LRCH2: variants seen among roughly 807,000 people sequenced by gnomAD.
LRCH2 encodes the protein leucine-rich repeat and calponin homology domain-containing protein 2.
Under a neutral mutation model 68.9 loss-of-function variants are expected in LRCH2, and 38 were observed. That is an observed-to-expected ratio of 0.55 (90% CI 0.43 to 0.72). The LOEUF is 0.72. Among genes scored for constraint, LRCH2 ranks in the 30% least tolerant of loss-of-function variants. The pLI is 0.00. For synonymous variants in LRCH2, 191 were observed against 208.1 expected (o/e 0.92, Z 0.71); for missense variants, 528 against 572.9 (o/e 0.92, Z 0.80).
At chrX:115,150,865 T>C (rs1384211456) in intron 12 of LRCH2, among the ~76,000 whole-genome samples, 2 of 110,430 alleles carry the variant, frequency 1.8e-5, no homozygotes, top group Admixed American at 1.9e-4. Context: ...ATATCAACTA[T>C]AATGAGTTAA....
At chrX:115,165,786 T>C (rs2072554584) in intron 8 of LRCH2, 55 bp downstream of exon 8, 2 of 984,220 alleles carry the variant, frequency 2.0e-6, no homozygotes, top group East Asian at 3.4e-5. Context: ...TCAAAGCCCA[T>C]TTTTAATGTG....
chrX:115,185,483 T>G (rs2147411626), intron 2 of LRCH2, among the ~76,000 whole-genome samples: 1 of 111,931 alleles, frequency 8.9e-6, no homozygotes, highest in Admixed American at 9.5e-5. Flanking sequence ...AATGTATATT[T>G]TTCCATTCCA....
At chrX:115,216,253 A>G (rs2147357928) in intron 1 of LRCH2, among the ~76,000 whole-genome samples, 1 of 112,038 alleles carries the variant, frequency 8.9e-6, no homozygotes, top group South Asian at 3.7e-4. Context: ...AGTTTTCTTT[A>G]AAGACCATAC....
In LRCH2 at chrX:115,136,821, G is replaced by T. The variant is rs1352915553; in HGVS notation, c.1696-6622C>A. Among the ~76,000 whole-genome samples, 4 of 112,224 alleles carry T rather than the reference G, an allele frequency of 3.6e-5. No homozygotes were observed. The Admixed American group carries it at 3.8e-4, about 11-fold the overall frequency. ...CTTATTGGTAATGGGAAGCCAGTAA[G>T]AAGTTTTTTGGATGATTTACAGTTT... On this transcript the variant is annotated intron_variant, in intron 14 of 20. Coordinates refer to ENST00000317135, the MANE Select transcript of LRCH2 (RefSeq NM_020871.4).
At position 115,192,265 on chromosome X, in the gene LRCH2, C is replaced by T. The variant is rs966430682; in HGVS notation, c.350-3895G>A. On this transcript the variant is annotated intron_variant, in intron 1 of 20. Transcript: ENST00000317135. ...CAACAACAGTCATGGCCGGAGCCACCGCTACGGAGGAGGAGGCCGCTACGA... is the reference window on the plus strand; with the variant it reads ...CAACAACAGTCATGGCCGGAGCCACTGCTACGGAGGAGGAGGCCGCTACGA... 1.7e-5 allele frequency: 20 copies of T among 1,164,700 alleles called. No homozygotes were observed. The highest frequency in any genetic ancestry group is 1.6e-4 in the Admixed American group (6 of 38,476).
At chrX:115,224,813 G>A (rs782047758) in intron 1 of LRCH2, among the ~76,000 whole-genome samples, 3 of 111,749 alleles carry the variant, frequency 2.7e-5, no homozygotes, top group East Asian at 2.8e-4. Flanking sequence ...AGCAGAAAAG[G>A]CATACAAGTT....
intron 6 of LRCH2, among the ~76,000 whole-genome samples, chrX:115,169,532 C>A (rs1482422742): frequency 9.0e-6 from 1 of 111,014 alleles, no homozygotes; most frequent in Admixed American, 9.6e-5. Context: ...AGAAAAAGTC[C>A]TATTTGGGAA....
In LRCH2 at chrX:115,165,952, G is replaced by A. The variant is rs1289354395; in HGVS notation, c.1087C>T (p.Pro363Ser). ...NGEKRLSTTE[P>S]SDDDTVSLHS... is the part of the protein sequence containing the mutation. ...AGGCTGACTGTGTCATCATCTGATG[G>A]CTAAAAGGAATAAGCAAAAAGTACA... Residue 363 changes from proline (P) to serine (S), a missense_variant and splice_region_variant, in exon 8 of 21, where the codon CCA becomes TCA. Physicochemically the swap from Pro to Ser is moderately conservative, Grantham distance 74. Coordinates refer to ENST00000317135, the MANE Select transcript of LRCH2 (RefSeq NM_020871.4). The A allele has an allele frequency of 2.2e-5, 25 of 1,130,806 alleles. No homozygotes were observed. The highest frequency in any genetic ancestry group is 3.0e-5 in the Non-Finnish European group (25 of 843,057). The allele number at this position is 1,130,806 out of a possible 1,213,427, so 93.2% of individuals were successfully genotyped here. A position where few individuals can be genotyped will look rare whatever the true frequency, so the allele number is the denominator to read the frequency against.
rs782785597 is a variant in LRCH2 at position 115,205,439 on chromosome X, CAG to C, written c.350-17071_350-17070del. 3.6e-5 allele frequency among the ~76,000 whole-genome samples: 4 copies of C among 112,169 alleles called. No individual in the cohort carries two copies. In the South Asian group the frequency reaches 1.5e-3, roughly 42 times the overall value. On this transcript the variant is annotated intron_variant, in intron 1 of 20. Transcript: ENST00000317135. ...AACACAAAGACTGAATCCTAATGTA[CAG>C]ACTTTAATAATAAAGTATAGCTTCA...
In LRCH2 at chrX:115,123,183, C is replaced by T. The variant is rs369010461; in HGVS notation, c.1859G>A (p.Arg620His). The change falls in exon 18 of 21, where the codon CGC becomes CAC. Residue 620 changes from arginine to histidine, a missense_variant. Arg to His is a conservative substitution (Grantham distance 29). Coordinates refer to ENST00000317135, the MANE Select transcript of LRCH2 (RefSeq NM_020871.4). ...TGCCCCATATTCTTGGCGAGATGAG[C>T]GGCTAAAAGCTATAAAAACAGAAAT... ...FGLKPRSAFSRSSRQEYGAAD... is the reference protein window; with the variant it reads ...FGLKPRSAFSHSSRQEYGAAD... 103 of 1,197,782 alleles carry T rather than the reference C, an allele frequency of 8.6e-5. No individual in the cohort carries two copies. The highest frequency in any genetic ancestry group is 2.3e-4 in the Middle Eastern group (1 of 4,336).
At chrX:115,131,391 T>G (rs1603027387) in intron 14 of LRCH2, among the ~76,000 whole-genome samples, 2 of 110,545 alleles carry the variant, frequency 1.8e-5, no homozygotes, top group African/African-American at 6.6e-5. Context: ...TTGCTCAGAA[T>G]GATGGTTTCC....
chrX:115,185,702 C>CACAA (rs1332136515), intron 2 of LRCH2, among the ~76,000 whole-genome samples: 3 of 111,367 alleles, frequency 2.7e-5, no homozygotes, highest in African/African-American at 9.8e-5. Flanking sequence ...AATAACACGG[C>CACAA]ACAAACAAAC....
At chrX:115,143,888 C>T (rs1232905440) in intron 14 of LRCH2, among the ~76,000 whole-genome samples, 1 of 111,669 alleles carries the variant, frequency 9.0e-6, no homozygotes, top group Admixed American at 9.5e-5. Flanking sequence ...ATCATATGAC[C>T]ATTCCAATTG....
In LRCH2 at chrX:115,113,353, A is replaced by C; in HGVS notation, c.2179-18T>G. ...AGTCTTTCCTGGAGAAAAAAAAGAG[A>C]TATTTGAACATTCATTTTTTAGAAG... On this transcript the variant is annotated intron_variant, in intron 20 of 20. Coordinates refer to ENST00000317135, the MANE Select transcript of LRCH2 (RefSeq NM_020871.4). 8.9e-7 allele frequency: 1 copy of C among 1,125,715 alleles called. No homozygotes were observed. Among genetic ancestry groups the C allele is most frequent in the Non-Finnish European group, 1.2e-6 (1 of 841,836 alleles). 92.8% of individuals were successfully genotyped at this position (1,125,715 alleles called of 1,213,427 possible). A position where few individuals can be genotyped will look rare whatever the true frequency, so the allele number is the denominator to read the frequency against.
At chrX:115,201,371 A>C (rs2072928728) in intron 1 of LRCH2, among the ~76,000 whole-genome samples, 1 of 112,127 alleles carries the variant, frequency 8.9e-6, no homozygotes, top group South Asian at 3.7e-4. Context: ...AATATATGCA[A>C]ATTAATAAAT....
chrX:115,153,523 C>G (rs1314523312), intron 12 of LRCH2, among the ~76,000 whole-genome samples: 2 of 110,873 alleles, frequency 1.8e-5, no homozygotes, highest in Middle Eastern at 4.6e-3. Context: ...AGACATTATT[C>G]TGATTATCTA....
chrX:115,227,450 G>A (rs1330100806), intron 1 of LRCH2, among the ~76,000 whole-genome samples: 2 of 109,785 alleles, frequency 1.8e-5, no homozygotes, highest in African/African-American at 6.6e-5. Flanking sequence ...CTCACTGAAA[G>A]CAGCAACTTT....
chrX:115,136,856 A>G (rs2072294697), intron 14 of LRCH2, among the ~76,000 whole-genome samples: 1 of 112,295 alleles, frequency 8.9e-6, no homozygotes, highest in South Asian at 3.6e-4. Context: ...TTACAGATTT[A>G]AGAGAAAATT....
intron 5 of LRCH2, among the ~76,000 whole-genome samples, chrX:115,172,486 A>G (rs782154332): frequency 1.6e-4 from 18 of 112,355 alleles, no homozygotes; most frequent in Non-Finnish European, 3.0e-4. Context: ...CTCTGCTATT[A>G]TAACTATGTC....
Sources: gnomAD v4.1 joint callset for allele counts (sites outside exome capture counted in the v4.1 genomes callset) on GRCh38, gnomAD v4.1.1 for gene constraint, MANE v1.5 for transcripts, NCBI Gene and HGNC (gene_info 2026-07-23, HGNC 2026-07-21) for gene names.